The following POLE variants were observed in gnomAD, a reference collection of about 807,000 sequenced individuals.
POLE encodes the protein DNA polymerase epsilon catalytic subunit A.
Under a neutral mutation model 279.2 loss-of-function variants are expected in POLE, and 188 were observed. That is an observed-to-expected ratio of 0.67 (90% CI 0.60 to 0.76). The LOEUF (loss-of-function observed/expected upper bound fraction) is 0.76, where lower values mean the gene tolerates loss of function less well. Ranked by LOEUF, POLE falls within the 30% of genes least tolerant of loss-of-function variation. The probability of loss-of-function intolerance (pLI) is 0.00; values close to 1 mark genes in which losing one functional copy is unlikely to be tolerated. For synonymous variants in POLE, 1,214 were observed against 1,172.5 expected, an observed-to-expected ratio of 1.04 and a Z score of -0.72; for missense variants, 2,703 against 3,016.7, an observed-to-expected ratio of 0.90 and a Z score of 2.44.
chr12:132,644,120 T>C (rs1413034471), intron 32 of POLE, 143 bp from the exon 33 acceptor site: 6 of 684,660 alleles, frequency 8.8e-6, no homozygotes, highest in Non-Finnish European at 1.5e-5. Context: ...AGTCCACCTC[T>C]CTCAATGATT....
In POLE at chr12:132,676,426, T is replaced by G. The variant is rs1256159458; in HGVS notation, c.909+120A>C. On this transcript the variant is annotated intron_variant, in intron 9 of 48. Transcript: ENST00000320574. Reference sequence around the variant, plus strand: ...GTCGGAACGGCTTGGTTGCTCCCATTCCTGGACTAACTCATTATTCACTCA... The same window carrying G: ...GTCGGAACGGCTTGGTTGCTCCCATGCCTGGACTAACTCATTATTCACTCA... 2.5e-5 allele frequency: 19 copies of G among 767,824 alleles called. No individual in the cohort carries two copies. In the East Asian group the frequency reaches 5.0e-4, roughly 20 times the overall value. The allele number at this position is 767,824 out of a possible 1,614,324, so 47.6% of individuals were successfully genotyped here.
rs1024678291 is a variant in POLE, at chr12:132,634,900, G to A, written c.5812-522C>T. Among the ~76,000 whole-genome samples the A allele has an allele frequency of 2.0e-5, 3 of 152,072 alleles. No individual in the cohort carries two copies. Among genetic ancestry groups the A allele is most frequent in the Admixed American group, 6.5e-5 (1 of 15,276 alleles). On this transcript the variant is annotated intron_variant, in intron 42 of 48. Coordinates refer to ENST00000320574, the MANE Select transcript of POLE (RefSeq NM_006231.4). The surrounding 1 kb of genome is among the most constrained non-coding windows in gnomAD (Gnocchi z 4.0). ...GCCTGAGTTTCTACCCTCCCACTTTGTTCTGAATCCCTTCAATCAGGGTTT... is the reference window on the plus strand; with the variant it reads ...GCCTGAGTTTCTACCCTCCCACTTTATTCTGAATCCCTTCAATCAGGGTTT...
rs571641918 is a variant in POLE at position 132,642,486 on chromosome 12, A to AACG, written c.4952+17_4952+19dup. On this transcript the variant is annotated intron_variant, in intron 37 of 48. Coordinates refer to ENST00000320574, the MANE Select transcript of POLE (RefSeq NM_006231.4). ...CTCTGCCTGGGGACCACTGGCCCAC[A>AACG]ACGACAGTACTGTGCTCACCTGCTC... 8.2e-3 allele frequency: 13,146 copies of AACG among 1,607,440 alleles called. 70 individuals are homozygous for AACG. Among genetic ancestry groups the AACG allele is most frequent in the Non-Finnish European group, 0.01 (11,986 of 1,174,762 alleles).
At chr12:132,653,302 G>C (rs2042462834) in intron 29 of POLE, among the ~76,000 whole-genome samples, 1 of 152,194 alleles carries the variant, frequency 6.6e-6, no homozygotes, top group South Asian at 2.1e-4. Flanking sequence ...GTGAGATTAA[G>C]AGTTCTAGGC....
rs780843358 is a variant in POLE at position 132,634,323 on chromosome 12, T to A, written c.5867A>T (p.Glu1956Val). The A allele has an allele frequency of 6.2e-7, 1 of 1,614,110 alleles. No homozygotes were observed. The highest frequency in any genetic ancestry group is 1.1e-5 in the South Asian group (1 of 91,076). The change falls in exon 43 of 49, where the codon GAG becomes GTG. Residue 1956 changes from glutamate to valine, a missense_variant. Physicochemically the swap from Glu to Val is moderately radical, Grantham distance 121. Coordinates refer to ENST00000320574, the MANE Select transcript of POLE (RefSeq NM_006231.4). The surrounding 1 kb of genome is among the most constrained non-coding windows in gnomAD (Gnocchi z 4.0). ...CTCCTCCTCCCCATCTCTTTCCTCC[T>A]CATCGTCCTCATTTTCCTGCTCATC... The part of the protein sequence containing the change: ...AEDEQENEDD[E>V]EERDGEEEEE...
chr12:132,656,882 A>C (rs2042552423), intron 29 of POLE, among the ~76,000 whole-genome samples: 1 of 152,214 alleles, frequency 6.6e-6, no homozygotes, highest in Non-Finnish European at 1.5e-5. Context: ...ACTGAGTCTA[A>C]GTAGTGCACC....
chr12:132,631,818 A>C (rs1404773782), intron 45 of POLE, among the ~76,000 whole-genome samples: 3 of 151,106 alleles, frequency 2.0e-5, no homozygotes, highest in African/African-American at 7.3e-5. Flanking sequence ...CACCAAGCTC[A>C]CCCCCCAGGG....
At chr12:132,632,565 T>C (rs2041955464) in intron 44 of POLE, 57 bp from the exon 45 acceptor site, 1 of 1,606,410 alleles carries the variant, frequency 6.2e-7, no homozygotes, top group African/African-American at 1.3e-5. Context: ...ACTGGGGACC[T>C]CCCACCTGGG....
rs2135977577 is a variant in POLE, at chr12:132,668,623, G to A, written c.2026+12C>T. ...TTCCCACCGAGTGCCCACCCAGGCGGCCGACACTCACTGAACTCGCCCCTC... is the reference window on the plus strand; with the variant it reads ...TTCCCACCGAGTGCCCACCCAGGCGACCGACACTCACTGAACTCGCCCCTC... On this transcript the variant is annotated intron_variant, in intron 18 of 48. Transcript: ENST00000320574. The surrounding 1 kb of genome is among the most constrained non-coding windows in gnomAD (Gnocchi z 4.0). 1.2e-6 allele frequency: 2 copies of A among 1,607,008 alleles called. No individual in the cohort carries two copies. Among genetic ancestry groups the A allele is most frequent in the Non-Finnish European group, 1.7e-6 (2 of 1,174,242 alleles).
chr12:132,642,698 A>G lies in POLE; in HGVS notation c.4760T>C (p.Val1587Ala). The stretch of plus-strand genomic sequence containing the variant: ...CCTCTTCAGCTCCCAGCTGGACTGA[A>G]CAGCGATGAGTGTGGGCCCCCGGCG... ...EERRGPTLIA[V>A]QSSWELKRLA... Residue 1587 changes from valine to alanine, a missense_variant, in exon 37 of 49, where the codon GTT (valine) becomes GCT (alanine). This residue lies in a region of POLE where 1,551 missense variants were observed against 1,686.1 expected (regional missense o/e 0.92). Transcript: ENST00000320574. The G allele has an allele frequency of 6.2e-7, 1 of 1,613,872 alleles. No homozygotes were observed. The highest frequency in any genetic ancestry group is 2.2e-5 in the East Asian group (1 of 44,870).
chr12:132,638,035 T>A lies in POLE; in HGVS notation c.5657A>T (p.Tyr1886Phe), dbSNP rs774058080. Residue 1886 changes from tyrosine (Y) to phenylalanine (F), a missense_variant, in exon 41 of 49, where the codon TAC (tyrosine) becomes TTC (phenylalanine). By Grantham distance (22) the Tyr-to-Phe change is conservative. This residue lies in a region of POLE where 1,551 missense variants were observed against 1,686.1 expected (regional missense o/e 0.92). Transcript: ENST00000320574. ...GCACCTGCTGGTGATGTACTCCACG[T>A]AAGCGATGGCATCTTCCACACGGCG... is the stretch of plus-strand genomic sequence containing the variant. ...KKRRVEDAIA[Y>F]VEYITSSIHS... The A allele has an allele frequency of 3.1e-6, 5 of 1,613,924 alleles. No homozygotes were observed. The highest frequency in any genetic ancestry group is 4.2e-6 in the Non-Finnish European group (5 of 1,179,936).
Position 132,668,846 on chromosome 12 carries a change from T to C in POLE, c.1888A>G (p.Met630Val), listed in dbSNP as rs1555227390. ...PLIYHLDVGA[M>V]YPNIILTNRL... ...TTGGTCAGGATGATGTTGGGGTACA[T>C]GGCCCCCACGTCCAGGTGGTAGATG... The change falls in exon 17 of 49, where the codon ATG becomes GTG. Residue 630 changes from methionine to valine, a missense_variant. Met to Val is a conservative substitution (Grantham distance 21, BLOSUM62 1). Transcript: ENST00000320574. This position sits in a 1 kb window ranked among gnomAD's most constrained non-coding sequence, Gnocchi z 4.0. 1 of 1,614,088 alleles carries C rather than the reference T, an allele frequency of 6.2e-7. No homozygotes were observed. Among genetic ancestry groups the C allele is most frequent in the Non-Finnish European group, 8.5e-7 (1 of 1,179,978 alleles).
chr12:132,677,372 A>G lies in POLE; in HGVS notation c.792T>C (p.Val264=). 6.2e-7 allele frequency: 1 copy of G among 1,613,896 alleles called. No individual in the cohort carries two copies. Residue 264 remains valine (V), a synonymous_variant, in exon 8 of 49, where the codon GTT becomes GTC. Coordinates refer to ENST00000320574, the MANE Select transcript of POLE (RefSeq NM_006231.4). Reference sequence around the variant, plus strand: ...CACAAGCAAAACTTACAGGTCGTTCAACAAGGTCATCTCGGCGGGTGATTT... The same window carrying G: ...CACAAGCAAAACTTACAGGTCGTTCGACAAGGTCATCTCGGCGGGTGATTT... ...PVEITRRDDL[V]ERPDPVVLAF... is the part of the protein sequence containing the mutation.
In POLE at chr12:132,632,731, G is replaced by A. The variant is rs747547378; in HGVS notation, c.6069C>T (p.Thr2023=). The part of the protein sequence containing the change: ...DGLRRSAPGS[T]PVRRRGASQL... ...GGCTGGCCCCCCTCCTCCTCACGGG[G>A]GTGCTCCCTGGAGCACTGCGCCTCA... The change falls in exon 44 of 49, where the codon ACC becomes ACT. Residue 2023 remains threonine (T), a synonymous_variant. Coordinates refer to ENST00000320574, the MANE Select transcript of POLE (RefSeq NM_006231.4). 24 of 1,613,250 alleles carry A rather than the reference G, an allele frequency of 1.5e-5. No individual in the cohort carries two copies. Among genetic ancestry groups the A allele is most frequent in the Non-Finnish European group, 1.9e-5 (22 of 1,179,830 alleles).
At chr12:132,667,376 G>T in intron 20 of POLE, 127 bp downstream of exon 20, 2 of 966,500 alleles carry the variant, frequency 2.1e-6, no homozygotes, top group Non-Finnish European at 3.2e-6. Flanking sequence ...AAAAACAATT[G>T]CACGTTACCA....
chr12:132,676,495 C>CT, intron 9 of POLE, 51 bp downstream of exon 9: 1 of 1,133,152 alleles, frequency 8.8e-7, no homozygotes, highest in Non-Finnish European at 1.3e-6. Context: ...GTATGGGGAC[C>CT]AGACAAGGTC....
At chr12:132,654,223 T>C (rs1593760090) in intron 29 of POLE, among the ~76,000 whole-genome samples, 1 of 39,294 alleles carries the variant, frequency 2.5e-5, no homozygotes, top group Admixed American at 3.1e-4. Flanking sequence ...TTTACACTTA[T>C]TTTTTTTCGT....
intron 43 of POLE, chr12:132,633,518 TAA>T (rs2041975683): frequency 1.3e-5 from 2 of 152,200 alleles, no homozygotes; most frequent in Non-Finnish European, 2.9e-5. Flanking sequence ...CTGAGAAAGT[TAA>T]AGACTCAAGG....
chr12:132,661,522 C>T lies in POLE; in HGVS notation c.2864+5G>A. ...TCTAAAGCACAAAAGCTATGAGAGT[C>T]CCACCTCTTCTTCAATTTCTTGCCT... On this transcript the variant is annotated splice_donor_5th_base_variant and intron_variant, in intron 24 of 48. Transcript: ENST00000320574. This position sits in a 1 kb window ranked among gnomAD's most constrained non-coding sequence, Gnocchi z 4.1. 1 of 1,613,870 alleles carries T rather than the reference C, an allele frequency of 6.2e-7. No homozygotes were observed. Among genetic ancestry groups the T allele is most frequent in the Non-Finnish European group, 8.5e-7 (1 of 1,179,800 alleles).
Sources: allele counts gnomAD v4.1 joint callset (sites outside exome capture counted in the v4.1 genomes callset), GRCh38; gene constraint gnomAD v4.1.1; regional missense constraint gnomAD v4.1.1; non-coding constraint Gnocchi (gnomAD v3.1); transcripts MANE v1.5; gene names NCBI Gene and HGNC (gene_info 2026-07-23, HGNC 2026-07-21).